Variants in TNKS observed in about 807,000 individuals in gnomAD.
TNKS encodes the protein poly [ADP-ribose] polymerase tankyrase-1.
TNKS carries 72 observed loss-of-function variants against 135.8 expected under a neutral mutation model. The ratio of observed to expected loss-of-function variants is 0.53; its 90% CI spans 0.44 to 0.64. The LOEUF (loss-of-function observed/expected upper bound fraction) is 0.64, where lower values mean the gene tolerates loss of function less well. Among genes scored for constraint, TNKS ranks in the 30% least tolerant of loss-of-function variants. The probability of loss-of-function intolerance (pLI) is 0.00; values close to 1 mark genes in which losing one functional copy is unlikely to be tolerated. For synonymous variants in TNKS, 849 were observed against 649.3 expected, an observed-to-expected ratio of 1.31 and a Z score of -4.68; for missense variants, 1,769 against 1,674.0, an observed-to-expected ratio of 1.06 and a Z score of -0.99.
intron 3 of TNKS, among the ~76,000 whole-genome samples, chr8:9,658,599 A>G (rs1801537299): frequency 6.6e-6 from 1 of 152,252 alleles, no homozygotes; most frequent in Non-Finnish European, 1.5e-5. Context: ...AAACATGGAA[A>G]GGAACAACCG....
intron 3 of TNKS, among the ~76,000 whole-genome samples, chr8:9,661,967 C>CA (rs778849886): frequency 2.6e-5 from 4 of 152,080 alleles, no homozygotes; most frequent in Non-Finnish European, 5.9e-5. Context: ...TTTATGCAGC[C>CA]AAAAAACACA....
At chr8:9,720,569 G>T in intron 12 of TNKS, 24 bp downstream of exon 12, 2 of 1,583,158 alleles carry the variant, frequency 1.3e-6, no homozygotes, top group South Asian at 1.2e-5. Context: ...GACCAACAGG[G>T]CATTTTATGT....
chr8:9,703,103 C>A (rs991372188), intron 5 of TNKS, among the ~76,000 whole-genome samples: 1 of 152,094 alleles, frequency 6.6e-6, no homozygotes, highest in Non-Finnish European at 1.5e-5. Flanking sequence ...CGGGAGATAA[C>A]GTTTCAGGAG....
Position 9,766,219 on chromosome 8 carries a change from TTC to T in TNKS, c.3554-18_3554-17del. 6.3e-7 allele frequency: 1 copy of T among 1,588,354 alleles called. No individual in the cohort carries two copies. The highest frequency in any genetic ancestry group is 8.6e-7 in the Non-Finnish European group (1 of 1,163,798). On this transcript the variant is annotated intron_variant, in intron 24 of 26. Coordinates refer to ENST00000310430, the MANE Select transcript of TNKS (RefSeq NM_003747.3). ...TAGAAAAGTGTTCAAAAACGAATCT[TTC>T]TGTCTTCGTATTTCTAGGTTCTCCT...
Position 9,620,965 on chromosome 8 carries a change from A to G in TNKS, c.994+5288A>G, listed in dbSNP as rs563163023. 3.3e-5 allele frequency among the ~76,000 whole-genome samples: 5 copies of G among 152,342 alleles called. No individual in the cohort carries two copies. In the South Asian group the frequency reaches 6.2e-4, roughly 19 times the overall value. On this transcript the variant is annotated intron_variant, in intron 3 of 26. Coordinates refer to ENST00000310430, the MANE Select transcript of TNKS (RefSeq NM_003747.3). Reference sequence around the variant, plus strand: ...ATACATAAAATGATCAATCAAATAAATATGTCTAAGGTCCGATTACTGATA... The same window carrying G: ...ATACATAAAATGATCAATCAAATAAGTATGTCTAAGGTCCGATTACTGATA...
In TNKS at chr8:9,654,967, C is replaced by T. The variant is rs28655520; in HGVS notation, c.995-24984C>T. Among the ~76,000 whole-genome samples, 44 of 152,166 alleles carry T rather than the reference C, an allele frequency of 2.9e-4. 1 individual carries two copies. The highest frequency in any genetic ancestry group is 8.9e-4 in the African/African-American group (37 of 41,444). ...GTGAGGCATCGCCTCACCTGGGAAG[C>T]GCAAGGGGTCAGGGAATTCCCTTTC... On this transcript the variant is annotated intron_variant, in intron 3 of 26. Coordinates refer to ENST00000310430, the MANE Select transcript of TNKS (RefSeq NM_003747.3).
intron 1 of TNKS, among the ~76,000 whole-genome samples, chr8:9,571,114 TC>T (rs773047882): frequency 1.3e-5 from 2 of 152,216 alleles, no homozygotes; most frequent in African/African-American, 4.8e-5. Flanking sequence ...AACCTTTTCC[TC>T]CCTACTGTGG....
intron 3 of TNKS, among the ~76,000 whole-genome samples, chr8:9,655,305 C>T (rs985073572): frequency 6.6e-6 from 1 of 152,206 alleles, no homozygotes; most frequent in Admixed American, 6.5e-5. Context: ...CTGTAGGCTC[C>T]ACCTCTGGGG....
chr8:9,561,609 A>C (rs749692438), intron 1 of TNKS, among the ~76,000 whole-genome samples: 6 of 152,140 alleles, frequency 3.9e-5, no homozygotes, highest in Admixed American at 1.3e-4. Context: ...CAATTGATAG[A>C]CCCTTAAGCT....
At position 9,770,187 on chromosome 8, in the gene TNKS, G is replaced by C; in HGVS notation, c.3822G>C (p.Gly1274=). The C allele has an allele frequency of 6.2e-7, 1 of 1,613,380 alleles. No homozygotes were observed. ...TGAAAATGGCCCACGCGCCTCCAGG[G>C]CACCACTCAGTCATTGGTAGACCGA... ...STMKMAHAPP[G]HHSVIGRPSV... is the part of the protein sequence containing the mutation. Residue 1274 remains glycine (G), a synonymous_variant, in exon 26 of 27, where the codon GGG becomes GGC. Transcript: ENST00000310430.
intron 20 of TNKS, among the ~76,000 whole-genome samples, chr8:9,758,969 C>G (rs1426355824): frequency 6.6e-6 from 1 of 152,222 alleles, no homozygotes; most frequent in African/African-American, 2.4e-5. Flanking sequence ...CTTCCATACC[C>G]TCACGTGCTT....
intron 8 of TNKS, 79 bp from the exon 9 acceptor site, chr8:9,708,292 C>G (rs996265575): frequency 3.4e-5 from 40 of 1,192,368 alleles, no homozygotes; most frequent in Non-Finnish European, 4.3e-5. Flanking sequence ...TAATAATATT[C>G]CTACTTATTT....
At position 9,640,689 on chromosome 8, in the gene TNKS, A is replaced by T. The variant is rs1009898718; in HGVS notation, c.994+25012A>T. Among the ~76,000 whole-genome samples the T allele has an allele frequency of 8.9e-5, 13 of 146,010 alleles. 1 individual carries two copies. Among genetic ancestry groups the T allele is most frequent in the Non-Finnish European group, 7.5e-5 (5 of 66,634 alleles). ...CTTTTGAGAAAGAAAATAGCACCTA[A>T]TGTAGGAGCTGGCCTGACATAGCTA... On this transcript the variant is annotated intron_variant, in intron 3 of 26. Coordinates refer to ENST00000310430, the MANE Select transcript of TNKS (RefSeq NM_003747.3).
chr8:9,600,918 A>G (rs1407493490), intron 2 of TNKS, among the ~76,000 whole-genome samples: 1 of 152,302 alleles, frequency 6.6e-6, no homozygotes, highest in African/African-American at 2.4e-5. Context: ...TTTATTTCAC[A>G]TTTGTCTTAT....
intron 13 of TNKS, 111 bp from the exon 14 acceptor site, chr8:9,730,779 A>G: frequency 8.1e-7 from 1 of 1,234,752 alleles, no homozygotes; most frequent in Non-Finnish European, 1.1e-6. Flanking sequence ...ATAAATATTC[A>G]TTAGACAATT....
At chr8:9,719,250 T>C (rs1361629999) in intron 11 of TNKS, among the ~76,000 whole-genome samples, 1 of 152,224 alleles carries the variant, frequency 6.6e-6, no homozygotes, top group East Asian at 1.9e-4. Flanking sequence ...CTGGTAATGA[T>C]AAAAGACTGG....
At position 9,777,490 on chromosome 8, in the gene TNKS, G is replaced by A. The variant is rs1808281524; in HGVS notation, c.*754G>A. 6.6e-6 allele frequency: 1 copy of A among 152,248 alleles called. No homozygotes were observed. Among genetic ancestry groups the A allele is most frequent in the Admixed American group, 6.5e-5 (1 of 15,276 alleles). 9.4% of individuals were successfully genotyped at this position (152,248 alleles called of 1,614,324 possible). On this transcript the variant is annotated 3_prime_UTR_variant, in exon 27 of 27. Transcript: ENST00000310430. The stretch of plus-strand genomic sequence containing the variant: ...TGACTTAGGAACGCCTAAATTCAGA[G>A]AAGTCAAAGCCGGTGAAGGCCACTT...
rs142942760 is a variant in TNKS at position 9,689,927 on chromosome 8, C to T, written c.1107+9127C>T. 1.9e-4 allele frequency among the ~76,000 whole-genome samples: 29 copies of T among 152,188 alleles called. 2 individuals are homozygous for T. The East Asian group carries it at 5.4e-3, about 28-fold the overall frequency. On this transcript the variant is annotated intron_variant, in intron 5 of 26. Transcript: ENST00000310430. Reference sequence around the variant, plus strand: ...GAAGACCTCTATCTGTTGTCCATTACGTAGAATCTTTGATGCTTAGATATG... The same window carrying T: ...GAAGACCTCTATCTGTTGTCCATTATGTAGAATCTTTGATGCTTAGATATG...
chr8:9,726,391 A>G (rs1805164851), intron 12 of TNKS, among the ~76,000 whole-genome samples: 1 of 152,224 alleles, frequency 6.6e-6, no homozygotes, highest in Admixed American at 6.5e-5. Context: ...GTCTCAAAAA[A>G]TAAATACATA....
Sources: gnomAD v4.1 joint callset for allele counts (sites outside exome capture counted in the v4.1 genomes callset) on GRCh38, gnomAD v4.1.1 for gene constraint, MANE v1.5 for transcripts, NCBI Gene and HGNC (gene_info 2026-07-23, HGNC 2026-07-21) for gene names.